Variants in BANK1 observed in about 807,000 individuals in gnomAD.
BANK1 encodes the protein B-cell scaffold protein with ankyrin repeats.
Under a neutral mutation model 94.5 loss-of-function variants are expected in BANK1, and 95 were observed. That is an observed-to-expected ratio of 1.00 (90% CI 0.85 to 1.19). The LOEUF is 1.19. Ranked by LOEUF, BANK1 falls within the 50% of genes most tolerant of loss-of-function variation. The pLI, the probability that BANK1 is intolerant of heterozygous loss-of-function variation, is 0.00. For synonymous variants in BANK1, 334 were observed against 308.4 expected (o/e 1.08, Z -0.87); for missense variants, 987 against 932.2 (o/e 1.06, Z -0.77).
intron 7 of BANK1, among the ~76,000 whole-genome samples, chr4:101,975,073 A>T (rs974505047): frequency 6.6e-6 from 1 of 152,082 alleles, no homozygotes; most frequent in Non-Finnish European, 1.5e-5. Context: ...GGACTGGGGG[A>T]AAAAAATCTG....
At chr4:101,834,755 A>G (rs940918495) in intron 2 of BANK1, among the ~76,000 whole-genome samples, 7 of 152,212 alleles carry the variant, frequency 4.6e-5, no homozygotes, top group African/African-American at 9.6e-5. Context: ...GAAACTTATT[A>G]TTCAGAAACA....
rs1284541912 is a variant in BANK1, at chr4:102,030,205, C to A, written c.1840C>A (p.Pro614Thr). The change falls in exon 10 of 17, where the codon CCC (proline) becomes ACC (threonine). Residue 614 changes from proline (P) to threonine (T), a missense_variant. Physicochemically the swap from Pro to Thr is conservative, Grantham distance 38. Coordinates refer to ENST00000322953, the MANE Select transcript of BANK1 (RefSeq NM_017935.5). ...RSFIINRPPA[P>T]TPRPTSIPPK... ...TTTCATTATAAATAGACCTCCTGCC[C>A]CCACACCCCGACCCACAAGTATACC... The A allele has an allele frequency of 1.9e-6, 3 of 1,613,138 alleles. No homozygotes were observed. In the Admixed American group the frequency reaches 5.0e-5, roughly 27 times the overall value.
At chr4:101,820,865 A>G (rs912137564) in intron 1 of BANK1, among the ~76,000 whole-genome samples, 4 of 151,828 alleles carry the variant, frequency 2.6e-5, no homozygotes, top group Admixed American at 6.6e-5. Context: ...TTTTTATCCA[A>G]TCTGTCATTG....
intron 1 of BANK1, chr4:101,813,899 T>G (rs1684328808): frequency 1.0e-5 from 10 of 985,388 alleles, no homozygotes; most frequent in Non-Finnish European, 1.2e-5. Context: ...TGGTTTTGCT[T>G]GCATCTGATG....
At chr4:102,027,443 AT>A (rs1578465035) in intron 9 of BANK1, among the ~76,000 whole-genome samples, 1 of 152,180 alleles carries the variant, frequency 6.6e-6, no homozygotes, top group East Asian at 1.9e-4. Context: ...CTATTTTTAC[AT>A]TTTATATTCA....
chr4:101,976,781 C>T (rs1345001610), intron 7 of BANK1: 1 of 152,064 alleles, frequency 6.6e-6, no homozygotes, highest in Non-Finnish European at 1.5e-5. Context: ...AATAAATCAT[C>T]TGCAAACTTA....
At position 101,790,932 on chromosome 4, in the gene BANK1, T is replaced by G. The variant is rs778255689; in HGVS notation, c.52T>G (p.Cys18Gly). ...KGLGSPDPAP[C>G]GPAPPGNTKD... is the part of the protein sequence containing the mutation. ...GCTTGGGAGCCCGGACCCCGCCCCC[T>G]GCGGCCCAGCGCCCCCAGGTGGGTA... is the stretch of plus-strand genomic sequence containing the variant. Residue 18 changes from cysteine to glycine, a missense_variant, in exon 1 of 17, where the codon TGC becomes GGC. Transcript: ENST00000322953. 127 of 1,528,882 alleles carry G rather than the reference T, an allele frequency of 8.3e-5. 1 individual carries two copies. The highest frequency in any genetic ancestry group is 1.1e-4 in the Non-Finnish European group (121 of 1,143,604). The allele number at this position is 1,528,882 out of a possible 1,614,324, so 94.7% of individuals were successfully genotyped here. A position where few individuals can be genotyped will look rare whatever the true frequency, so the allele number is the denominator to read the frequency against.
intron 2 of BANK1, among the ~76,000 whole-genome samples, chr4:101,848,839 C>T (rs187863352): frequency 6.7e-4 from 102 of 152,156 alleles, no homozygotes; most frequent in African/African-American, 2.3e-3. Flanking sequence ...GATGGATGTC[C>T]CTTCATTCTC....
intron 6 of BANK1, among the ~76,000 whole-genome samples, chr4:101,912,857 CA>C (rs1722710964): frequency 6.6e-6 from 1 of 152,020 alleles, no homozygotes; most frequent in African/African-American, 2.4e-5. Flanking sequence ...ATTATCAAAT[CA>C]TTTAATATTT....
intron 7 of BANK1, among the ~76,000 whole-genome samples, chr4:101,950,799 T>C (rs940594726): frequency 1.1e-4 from 16 of 152,108 alleles, no homozygotes; most frequent in Non-Finnish European, 1.8e-4. Context: ...ATGTTGATAA[T>C]ATGTAACATT....
At chr4:102,068,827 C>CAA (rs35925022) in intron 13 of BANK1, among the ~76,000 whole-genome samples, 3 of 137,604 alleles carry the variant, frequency 2.2e-5, no homozygotes, top group Non-Finnish European at 3.1e-5. Context: ...GACTCCATCT[C>CAA]AAAAAAAAAA....
chr4:102,072,070 G>A (rs1728779429), intron 14 of BANK1, among the ~76,000 whole-genome samples: 1 of 152,176 alleles, frequency 6.6e-6, no homozygotes, highest in Non-Finnish European at 1.5e-5. Context: ...GTAATCAAGT[G>A]GAGGTTGTTA....
chr4:102,030,198 T>C lies in BANK1; in HGVS notation c.1833T>C (p.Pro611=), dbSNP rs1727245178. 2 of 1,613,596 alleles carry C rather than the reference T, an allele frequency of 1.2e-6. No individual in the cohort carries two copies. Among genetic ancestry groups the C allele is most frequent in the Non-Finnish European group, 1.7e-6 (2 of 1,179,782 alleles). ...TGSRSFIINR[P]PAPTPRPTSI... ...GTCGGTCTTTCATTATAAATAGACC[T>C]CCTGCCCCCACACCCCGACCCACAA... Residue 611 remains proline (P), a synonymous_variant, in exon 10 of 17, where the codon CCT becomes CCC. Coordinates refer to ENST00000322953, the MANE Select transcript of BANK1 (RefSeq NM_017935.5).
chr4:101,856,068 G>A (rs553101947), intron 3 of BANK1, among the ~76,000 whole-genome samples: 1 of 152,318 alleles, frequency 6.6e-6, no homozygotes, highest in South Asian at 2.1e-4. Context: ...GCCTGAAGGA[G>A]TCTTTCTGAT....
intron 1 of BANK1, among the ~76,000 whole-genome samples, chr4:101,808,617 A>G (rs1404687146): frequency 1.3e-5 from 2 of 152,156 alleles, no homozygotes; most frequent in Non-Finnish European, 2.9e-5. Context: ...GCGTCTGACA[A>G]AGGACTAATA....
At chr4:102,040,919 C>T (rs1261328766) in intron 10 of BANK1, among the ~76,000 whole-genome samples, 3 of 151,984 alleles carry the variant, frequency 2.0e-5, no homozygotes, top group African/African-American at 7.2e-5. Context: ...GAGGGAAAAG[C>T]CGTTTTTCCA....
At chr4:101,981,188 G>A (rs1360263589) in intron 7 of BANK1, among the ~76,000 whole-genome samples, 1 of 152,044 alleles carries the variant, frequency 6.6e-6, no homozygotes, top group African/African-American at 2.4e-5. Context: ...CATTGAGCCT[G>A]ATACTCTCTC....
intron 5 of BANK1, among the ~76,000 whole-genome samples, chr4:101,874,715 A>G (rs1008990413): frequency 1.3e-5 from 2 of 152,234 alleles, no homozygotes; most frequent in South Asian, 2.1e-4. Context: ...TCTTAACTCT[A>G]TGATTGCTAT....
intron 7 of BANK1, among the ~76,000 whole-genome samples, chr4:102,013,000 C>A (rs1726562119): frequency 6.6e-6 from 1 of 152,044 alleles, no homozygotes; most frequent in African/African-American, 2.4e-5. Flanking sequence ...GTATTCAAAG[C>A]AGCAAGATGA....
Sources: gnomAD v4.1 joint callset for allele counts (sites outside exome capture counted in the v4.1 genomes callset) on GRCh38, gnomAD v4.1.1 for gene constraint, MANE v1.5 for transcripts, NCBI Gene and HGNC (gene_info 2026-07-23, HGNC 2026-07-21) for gene names.